The following CPM variants were observed in gnomAD, a reference collection of about 807,000 sequenced individuals.
CPM encodes the protein renal carboxypeptidase.
CPM carries 35 observed loss-of-function variants against 46.4 expected under a neutral mutation model. That is an observed-to-expected ratio of 0.75 (90% CI 0.58 to 1.00). CPM has a LOEUF of 1.00. CPM is among the 50% of genes least tolerant of loss of function. CPM has a pLI of 0.00. For synonymous variants in CPM, 195 were observed against 195.3 expected, an observed-to-expected ratio of 1.00 and a Z score of 0.01; for missense variants, 422 against 530.4, an observed-to-expected ratio of 0.80 and a Z score of 2.01.
rs148696944 is a variant in CPM at position 68,891,887 on chromosome 12, C to T, written c.161-5998G>A. On this transcript the variant is annotated intron_variant, in intron 2 of 8. Coordinates refer to ENST00000551568, the MANE Select transcript of CPM (RefSeq NM_198320.5). ...GAGTAGCTGGGACTACAGATGTGTG[C>T]CACCACGGCCAACTCATGTTTGTAT... Among the ~76,000 whole-genome samples, 357 of 152,254 alleles carry T rather than the reference C, an allele frequency of 2.3e-3. 1 individual carries two copies. Among genetic ancestry groups the T allele is most frequent in the Middle Eastern group, 0.017 (5 of 294 alleles).
intron 2 of CPM, among the ~76,000 whole-genome samples, chr12:68,926,807 T>C (rs1231814844): frequency 2.0e-5 from 3 of 152,078 alleles, no homozygotes; most frequent in African/African-American, 7.2e-5. Context: ...AGTGAGAATA[T>C]GTGGTGTTTG....
Position 68,871,813 on chromosome 12 carries a change from T to C in CPM, c.402A>G (p.Lys134=). Residue 134 remains lysine, a synonymous_variant, in exon 4 of 9, where the codon AAA becomes AAG. Coordinates refer to ENST00000551568, the MANE Select transcript of CPM (RefSeq NM_198320.5). Reference sequence around the variant, plus strand: ...CGATGCTGTAATAACAGTCAGGCTTTTTGACGGCTTCAAATCCATCTGGGT... The same window carrying C: ...CGATGCTGTAATAACAGTCAGGCTTCTTGACGGCTTCAAATCCATCTGGGT... The part of the protein sequence containing the change: ...SMNPDGFEAV[K]KPDCYYSIGR... 2 of 1,614,206 alleles carry C rather than the reference T, an allele frequency of 1.2e-6. No homozygotes were observed. The highest frequency in any genetic ancestry group is 1.7e-6 in the Non-Finnish European group (2 of 1,180,030).
intron 7 of CPM, among the ~76,000 whole-genome samples, chr12:68,864,066 G>A (rs1162639396): frequency 6.6e-6 from 1 of 152,178 alleles, no homozygotes; most frequent in Non-Finnish European, 1.5e-5. Context: ...AAGGGGGCAG[G>A]GTTGATGTGC....
intron 2 of CPM, among the ~76,000 whole-genome samples, chr12:68,921,478 G>T (rs2136307175): frequency 6.6e-6 from 1 of 152,252 alleles, no homozygotes; most frequent in African/African-American, 2.4e-5. Flanking sequence ...TGAGTGTGAT[G>T]GTGGTGAACC....
intron 2 of CPM, among the ~76,000 whole-genome samples, chr12:68,916,230 T>C (rs935660291): frequency 2.0e-5 from 3 of 152,214 alleles, no homozygotes; most frequent in Non-Finnish European, 4.4e-5. Flanking sequence ...TAATTAATGC[T>C]TGTCAGTTTC....
intron 2 of CPM, among the ~76,000 whole-genome samples, chr12:68,909,923 C>A (rs930610724): frequency 1.3e-5 from 2 of 151,488 alleles, no homozygotes; most frequent in African/African-American, 4.9e-5. Flanking sequence ...CACCATGGCA[C>A]ATGTATACCT....
chr12:68,871,561 G>A (rs892061842), intron 4 of CPM: 1 of 538,706 alleles, frequency 1.9e-6, no homozygotes, highest in Non-Finnish European at 3.3e-6. Flanking sequence ...AAATGAAGAT[G>A]GAGAGGCTAG....
chr12:68,953,181 G>A (rs1168517637), intron 1 of CPM, among the ~76,000 whole-genome samples: 1 of 152,096 alleles, frequency 6.6e-6, no homozygotes, highest in Non-Finnish European at 1.5e-5. Flanking sequence ...TTAGAAAGGA[G>A]CTCAAGGTAG....
intron 2 of CPM, among the ~76,000 whole-genome samples, chr12:68,913,053 G>A (rs946417395): frequency 4.6e-5 from 7 of 152,214 alleles, no homozygotes; most frequent in Middle Eastern, 3.4e-3. Flanking sequence ...GTCCCTACAC[G>A]GCACCATCAT....
chr12:68,886,381 C>A, intron 2 of CPM, among the ~76,000 whole-genome samples: 1 of 151,598 alleles, frequency 6.6e-6, no homozygotes, highest in African/African-American at 2.4e-5. Context: ...GCCTGTAATC[C>A]CAGCACTCTA....
At chr12:68,865,632 ACT>A (rs1399797374) in intron 7 of CPM, among the ~76,000 whole-genome samples, 54 of 151,492 alleles carry the variant, frequency 3.6e-4, no homozygotes, top group Middle Eastern at 3.4e-3. Flanking sequence ...ACACACACAC[ACT>A]CACACTCTCT....
intron 7 of CPM, among the ~76,000 whole-genome samples, chr12:68,860,630 G>GC (rs1357572580): frequency 1.3e-5 from 2 of 151,932 alleles, no homozygotes; most frequent in Non-Finnish European, 1.5e-5. Context: ...TTTACACTGT[G>GC]CCCCCCTTAG....
At chr12:68,962,471 C>T (rs1473201278) in intron 1 of CPM, among the ~76,000 whole-genome samples, 1 of 152,182 alleles carries the variant, frequency 6.6e-6, no homozygotes, top group South Asian at 2.1e-4. Flanking sequence ...CTCTTCCCCA[C>T]GTGGGTCCTA....
chr12:68,870,315 C>T lies in CPM; in HGVS notation c.516G>A (p.Val172=), dbSNP rs1885636894. 1.9e-6 allele frequency: 3 copies of T among 1,614,088 alleles called. No homozygotes were observed. The highest frequency in any genetic ancestry group is 2.5e-6 in the Non-Finnish European group (3 of 1,180,042). The stretch of plus-strand genomic sequence containing the variant: ...CTGTTTTCAGCCACTTCATGACTGC[C>T]ACAGTTTCAGGCTGCCTTGAGACAT... ...YNNVSRQPET[V]AVMKWLKTET... is the part of the protein sequence containing the mutation. The change falls in exon 5 of 9, where the codon GTG becomes GTA. Residue 172 remains valine (V), a synonymous_variant. Transcript: ENST00000551568.
intron 2 of CPM, among the ~76,000 whole-genome samples, chr12:68,897,692 G>A (rs1010702277): frequency 2.0e-5 from 3 of 146,672 alleles, no homozygotes; most frequent in Admixed American, 6.9e-5. Flanking sequence ...AGTGGAGATC[G>A]TGCCATTGCA....
intron 2 of CPM, among the ~76,000 whole-genome samples, chr12:68,921,835 T>C (rs1888054103): frequency 6.6e-6 from 1 of 152,208 alleles, no homozygotes; most frequent in African/African-American, 2.4e-5. Flanking sequence ...TGTATAAAGT[T>C]ACATATAATA....
chr12:68,899,675 G>C (rs1388728671), intron 2 of CPM, among the ~76,000 whole-genome samples: 1 of 152,200 alleles, frequency 6.6e-6, no homozygotes, highest in East Asian at 1.9e-4. Flanking sequence ...CCAAAAAAAG[G>C]CAGGGGAACT....
chr12:68,924,162 A>C (rs1888155184), intron 2 of CPM, among the ~76,000 whole-genome samples: 1 of 151,654 alleles, frequency 6.6e-6, no homozygotes, highest in African/African-American at 2.4e-5. Context: ...AAAAAAAAAA[A>C]AAAAAAACCT....
At chr12:68,927,894 T>G (rs1054059266) in intron 2 of CPM, among the ~76,000 whole-genome samples, 1 of 152,128 alleles carries the variant, frequency 6.6e-6, no homozygotes, top group Admixed American at 6.5e-5. Context: ...GGAAGAACAA[T>G]TCCATGCTCA....
Sources: allele counts gnomAD v4.1 joint callset (sites outside exome capture counted in the v4.1 genomes callset), GRCh38; gene constraint gnomAD v4.1.1; transcripts MANE v1.5; gene names NCBI Gene and HGNC (gene_info 2026-07-23, HGNC 2026-07-21).